The following GRIK1 variants were observed in gnomAD, a reference collection of about 807,000 sequenced individuals.
GRIK1 encodes the protein glutamate receptor ionotropic, kainate 1.
GRIK1 carries 69 observed loss-of-function variants against 105.7 expected under a neutral mutation model. The observed-to-expected ratio is 0.65, with a 90% confidence interval of 0.54 to 0.80. GRIK1 has a LOEUF of 0.80. Among genes scored for constraint, GRIK1 ranks in the 30% least tolerant of loss-of-function variants. The pLI, the probability that GRIK1 is intolerant of heterozygous loss-of-function variation, is 0.00. For missense variants in GRIK1, 1,109 were observed against 1,167.3 expected (o/e 0.95, Z 0.73); for synonymous variants, 438 against 431.3 (o/e 1.02, Z -0.19).
At position 29,843,318 on chromosome 21, in the gene GRIK1, C is replaced by G. The variant is rs144125983; in HGVS notation, c.118+96065G>C. ...CAATTCTGCTCACATTGTAACTTGGCCTTTTGAGGACTTACAATGTTTGTT... is the reference window on the plus strand; with the variant it reads ...CAATTCTGCTCACATTGTAACTTGGGCTTTTGAGGACTTACAATGTTTGTT... On this transcript the variant is annotated intron_variant, in intron 1 of 17. Coordinates refer to ENST00000327783, the MANE Select transcript of GRIK1 (RefSeq NM_001330994.2). Among the ~76,000 whole-genome samples, 537 of 152,144 alleles carry G rather than the reference C, an allele frequency of 3.5e-3. 1 individual carries two copies. Among genetic ancestry groups the G allele is most frequent in the Admixed American group, 0.01 (153 of 15,282 alleles).
chr21:29,658,024 C>T (rs538409999), intron 4 of GRIK1, among the ~76,000 whole-genome samples: 3 of 152,144 alleles, frequency 2.0e-5, no homozygotes, highest in Non-Finnish European at 4.4e-5. Context: ...ACTTGTCTGC[C>T]GAACTGACCA....
chr21:29,783,745 T>C (rs1460744251), intron 1 of GRIK1, among the ~76,000 whole-genome samples: 1 of 152,208 alleles, frequency 6.6e-6, no homozygotes, highest in East Asian at 1.9e-4. Flanking sequence ...AAATTCTCTA[T>C]TCATTTCCAC....
Position 29,939,664 on chromosome 21 carries a change from C to A in GRIK1, c.-164G>T, listed in dbSNP as rs908553482. 5 of 525,720 alleles carry A rather than the reference C, an allele frequency of 9.5e-6. No individual in the cohort carries two copies. In the African/African-American group the frequency reaches 1.0e-4, roughly 11 times the overall value. The allele number at this position is 525,720 out of a possible 1,614,324, so 32.6% of individuals were successfully genotyped here. The stretch of plus-strand genomic sequence containing the variant: ...GCTCGAGGGAACCCGCGTGGGACCG[C>A]GGAGCTGGCTGGCAAGGCTGAGCTC... On this transcript the variant is annotated 5_prime_UTR_variant, in exon 1 of 18. Transcript: ENST00000327783.
intron 1 of GRIK1, among the ~76,000 whole-genome samples, chr21:29,908,899 T>C (rs2070727628): frequency 6.6e-6 from 1 of 152,188 alleles, no homozygotes; most frequent in African/African-American, 2.4e-5. Context: ...GCTAAAAGCT[T>C]CCTTCCTCTC....
intron 14 of GRIK1, among the ~76,000 whole-genome samples, chr21:29,564,810 C>A (rs1052911451): frequency 6.6e-6 from 1 of 152,180 alleles, no homozygotes; most frequent in African/African-American, 2.4e-5. Context: ...TTTAGTGCAA[C>A]CTCAGTATTC....
Position 29,716,272 on chromosome 21 carries a change from A to G in GRIK1, c.119-22209T>C, listed in dbSNP as rs575216596. ...GCATGAGAATGAATTAATGCAGTAA[A>G]CTTGTACTGGCACAGTGGGGTGCTG... On this transcript the variant is annotated intron_variant, in intron 1 of 17. Coordinates refer to ENST00000327783, the MANE Select transcript of GRIK1 (RefSeq NM_001330994.2). 2.6e-5 allele frequency among the ~76,000 whole-genome samples: 4 copies of G among 152,306 alleles called. No individual in the cohort carries two copies. In the South Asian group the frequency reaches 8.3e-4, roughly 32 times the overall value.
At chr21:29,803,943 T>C (rs1442043601) in intron 1 of GRIK1, among the ~76,000 whole-genome samples, 1 of 152,018 alleles carries the variant, frequency 6.6e-6, no homozygotes, top group Non-Finnish European at 1.5e-5. Flanking sequence ...TATCATGGAA[T>C]GTAAGGAGAA....
At chr21:29,884,200 GA>G (rs1372057440) in intron 1 of GRIK1, among the ~76,000 whole-genome samples, 1 of 152,034 alleles carries the variant, frequency 6.6e-6, no homozygotes, top group Non-Finnish European at 1.5e-5. Context: ...AGAACAGGCA[GA>G]GGGTTAAGTT....
chr21:29,817,328 A>G (rs964734021), intron 1 of GRIK1, among the ~76,000 whole-genome samples: 6 of 152,158 alleles, frequency 3.9e-5, no homozygotes, highest in African/African-American at 9.6e-5. Context: ...GAAATTGATT[A>G]AAGTACAGCG....
chr21:29,899,393 T>C (rs2070304563), intron 1 of GRIK1, among the ~76,000 whole-genome samples: 1 of 152,242 alleles, frequency 6.6e-6, no homozygotes, highest in South Asian at 2.1e-4. Context: ...TGCAGGTTTG[T>C]CTGACTGGCC....
chr21:29,832,690 C>T (rs2186303), intron 1 of GRIK1, among the ~76,000 whole-genome samples: 16,877 of 152,164 alleles, frequency 0.11, 1,003 homozygotes, highest in Admixed American at 0.16. Flanking sequence ...GGGCCCTGGG[C>T]CCAGCCTGCA....
chr21:29,885,142 A>G (rs988886565), intron 1 of GRIK1, among the ~76,000 whole-genome samples: 1 of 152,088 alleles, frequency 6.6e-6, no homozygotes, highest in Non-Finnish European at 1.5e-5. Context: ...GTTTCAATAC[A>G]TACATATATT....
intron 7 of GRIK1, among the ~76,000 whole-genome samples, chr21:29,633,159 C>T (rs932855202): frequency 6.6e-6 from 1 of 152,228 alleles, no homozygotes; most frequent in Non-Finnish European, 1.5e-5. Context: ...TCGCCAGAGA[C>T]TGGATGCTAT....
At chr21:29,642,039 A>G (rs363528) in intron 7 of GRIK1, among the ~76,000 whole-genome samples, 22,284 of 152,182 alleles carry the variant, frequency 0.15, 1,930 homozygotes, top group African/African-American at 0.24. Flanking sequence ...TTAGAATAGC[A>G]TCTCAGAGCA....
intron 16 of GRIK1, among the ~76,000 whole-genome samples, chr21:29,544,648 A>G (rs894861929): frequency 6.6e-6 from 1 of 152,210 alleles, no homozygotes; most frequent in Non-Finnish European, 1.5e-5. Context: ...TCTGTAGAAG[A>G]CGCTGCAGTC....
Position 29,587,450 on chromosome 21 carries a change from A to C in GRIK1, c.1709T>G (p.Phe570Cys). 8 of 1,613,764 alleles carry C rather than the reference A, an allele frequency of 5.0e-6. No individual in the cohort carries two copies. The highest frequency in any genetic ancestry group is 6.8e-6 in the Non-Finnish European group (8 of 1,179,688). The change falls in exon 12 of 18, where the codon TTC becomes TGC. Residue 570 changes from phenylalanine to cysteine, a missense_variant. Coordinates refer to ENST00000327783, the MANE Select transcript of GRIK1 (RefSeq NM_001330994.2). Reference sequence around the variant, plus strand: ...AATATCTGGAGACAGGGGGTTGAGGAAGGAGAAAACGCCTGGATTGGTACC... The same window carrying C: ...AATATCTGGAGACAGGGGGTTGAGGCAGGAGAAAACGCCTGGATTGGTACC... ...PNGTNPGVFS[F>C]LNPLSPDIWM...
chr21:29,553,141 CAGGG>C (rs1045333777), intron 16 of GRIK1: 2 of 801,450 alleles, frequency 2.5e-6, no homozygotes, highest in African/African-American at 3.7e-5. Flanking sequence ...ATATATGAGA[CAGGG>C]AGAAGAAAAG....
intron 4 of GRIK1, among the ~76,000 whole-genome samples, chr21:29,657,150 T>G (rs902351486): frequency 6.6e-6 from 1 of 152,198 alleles, no homozygotes; most frequent in African/African-American, 2.4e-5. Flanking sequence ...CAGCCAAGAT[T>G]ACCTCTTGAA....
At chr21:29,596,048 A>C (rs2061406812) in intron 9 of GRIK1, 1 of 254,058 alleles carries the variant, frequency 3.9e-6, no homozygotes, top group African/African-American at 2.3e-5. Flanking sequence ...AGAAAAGGAA[A>C]TTTCTGAAAA....
Sources: allele counts gnomAD v4.1 joint callset (sites outside exome capture counted in the v4.1 genomes callset), GRCh38; gene constraint gnomAD v4.1.1; transcripts MANE v1.5; gene names NCBI Gene and HGNC (gene_info 2026-07-23, HGNC 2026-07-21).